The following PTPRK variants were observed in gnomAD, a reference collection of about 807,000 sequenced individuals.
PTPRK encodes protein tyrosine phosphatase receptor type K, also known as receptor-type tyrosine-protein phosphatase kappa.
PTPRK carries 75 observed loss-of-function variants against 178.0 expected under a neutral mutation model. The observed-to-expected ratio is 0.42, with a 90% CI of 0.35 to 0.51. The LOEUF (loss-of-function observed/expected upper bound fraction) is 0.51, where lower values mean the gene tolerates loss of function less well. PTPRK is among the 20% of genes least tolerant of loss of function. The pLI is 0.02. For missense variants in PTPRK, 1,441 were observed against 1,797.8 expected, an observed-to-expected ratio of 0.80 and a Z score of 3.59; for synonymous variants, 637 against 620.6, an observed-to-expected ratio of 1.03 and a Z score of -0.39.
At chr6:128,185,444 A>G (rs1176176088) in intron 6 of PTPRK, among the ~76,000 whole-genome samples, 1 of 152,172 alleles carries the variant, frequency 6.6e-6, no homozygotes, top group Non-Finnish European at 1.5e-5. Context: ...AAGTTGAATG[A>G]TATATTAAGG....
At chr6:128,038,916 T>C (rs1776691031) in intron 13 of PTPRK, among the ~76,000 whole-genome samples, 1 of 152,176 alleles carries the variant, frequency 6.6e-6, no homozygotes, top group Non-Finnish European at 1.5e-5. Context: ...TCACAAAATG[T>C]TAACCATATC....
At chr6:127,993,716 A>T (rs1776851849) in intron 18 of PTPRK, among the ~76,000 whole-genome samples, 1 of 151,690 alleles carries the variant, frequency 6.6e-6, no homozygotes, top group Non-Finnish European at 1.5e-5. Context: ...AATTTTTCCA[A>T]GCTTTATAAG....
chr6:128,195,969 G>C (rs1256838069), intron 6 of PTPRK, among the ~76,000 whole-genome samples: 6 of 152,060 alleles, frequency 3.9e-5, no homozygotes, highest in Non-Finnish European at 8.8e-5. Flanking sequence ...TGGATTAAGA[G>C]ATACAGAACT....
intron 11 of PTPRK, among the ~76,000 whole-genome samples, chr6:128,078,007 T>C (rs183209830): frequency 1.3e-5 from 2 of 152,158 alleles, no homozygotes; most frequent in East Asian, 3.9e-4. Flanking sequence ...CATCAAAGCT[T>C]CTTATTTTTC....
chr6:128,466,497 G>C (rs1292176025), intron 1 of PTPRK, among the ~76,000 whole-genome samples: 1 of 152,168 alleles, frequency 6.6e-6, no homozygotes, highest in South Asian at 2.1e-4. Flanking sequence ...CAGGTACAGG[G>C]TAACAACTGT....
chr6:128,500,207 TA>T (rs1404459177), intron 1 of PTPRK, among the ~76,000 whole-genome samples: 4 of 152,194 alleles, frequency 2.6e-5, no homozygotes, highest in African/African-American at 9.7e-5. Flanking sequence ...AAGGAGTGGC[TA>T]AATATAGTGA....
intron 13 of PTPRK, among the ~76,000 whole-genome samples, chr6:128,019,320 A>G (rs769304110): frequency 5.3e-5 from 8 of 152,156 alleles, no homozygotes; most frequent in Admixed American, 1.3e-4. Context: ...GTAATGTTTA[A>G]CACTGCCTTT....
At chr6:128,043,872 G>A (rs1777609295) in intron 13 of PTPRK, among the ~76,000 whole-genome samples, 1 of 151,694 alleles carries the variant, frequency 6.6e-6, no homozygotes, top group Non-Finnish European at 1.5e-5. Flanking sequence ...ATATTTTTTA[G>A]TATTCTGTAT....
At position 128,413,858 on chromosome 6, in the gene PTPRK, C is replaced by T. The variant is rs573120867; in HGVS notation, c.101-16170G>A. On this transcript the variant is annotated intron_variant, in intron 1 of 29. Coordinates refer to ENST00000368226, the MANE Select transcript of PTPRK (RefSeq NM_002844.4). ...TCAAAACATGGTTTTATTTCTGTTGCCTTTTTCTTACTCAAACCAATGTCT... is the reference window on the plus strand; with the variant it reads ...TCAAAACATGGTTTTATTTCTGTTGTCTTTTTCTTACTCAAACCAATGTCT... Among the ~76,000 whole-genome samples, 4 of 152,142 alleles carry T rather than the reference C, an allele frequency of 2.6e-5. No individual in the cohort carries two copies. The East Asian group carries it at 7.7e-4, about 29-fold the overall frequency.
chr6:128,357,032 G>A (rs1335142021), intron 2 of PTPRK, among the ~76,000 whole-genome samples: 2 of 152,106 alleles, frequency 1.3e-5, no homozygotes, highest in African/African-American at 4.8e-5. Context: ...TGAATACTGG[G>A]GAAGCCTAAG....
intron 2 of PTPRK, among the ~76,000 whole-genome samples, chr6:128,354,785 C>T (rs972645235): frequency 3.3e-5 from 5 of 152,132 alleles, no homozygotes; most frequent in Admixed American, 2.0e-4. Context: ...AACTAACTTG[C>T]TTAAGATTAC....
At chr6:127,997,537 G>A (rs1232804620) in intron 16 of PTPRK, among the ~76,000 whole-genome samples, 1 of 152,036 alleles carries the variant, frequency 6.6e-6, no homozygotes, top group Non-Finnish European at 1.5e-5. Flanking sequence ...AAGAATCTGG[G>A]AACAGAAGAA....
At chr6:128,082,860 A>G (rs149493460) in intron 9 of PTPRK, among the ~76,000 whole-genome samples, 54 of 152,160 alleles carry the variant, frequency 3.5e-4, no homozygotes, top group African/African-American at 1.2e-3. Flanking sequence ...GTTATAGCTG[A>G]CCAAATCAAT....
At chr6:128,420,032 T>C (rs961909097) in intron 1 of PTPRK, among the ~76,000 whole-genome samples, 1 of 152,322 alleles carries the variant, frequency 6.6e-6, no homozygotes, top group African/African-American at 2.4e-5. Flanking sequence ...CGAATAATCA[T>C]GCGTAACACT....
chr6:128,497,926 T>A (rs1362163890), intron 1 of PTPRK, among the ~76,000 whole-genome samples: 1 of 152,154 alleles, frequency 6.6e-6, no homozygotes, highest in Non-Finnish European at 1.5e-5. Context: ...TTACGAAGTA[T>A]TTTTAACAAT....
chr6:128,422,951 A>G (rs951134911), intron 1 of PTPRK, among the ~76,000 whole-genome samples: 1 of 152,206 alleles, frequency 6.6e-6, no homozygotes, highest in African/African-American at 2.4e-5. Flanking sequence ...AGCACCTAAA[A>G]TCACATGAAT....
At chr6:128,243,567 T>C (rs1814904838) in intron 3 of PTPRK, among the ~76,000 whole-genome samples, 1 of 148,668 alleles carries the variant, frequency 6.7e-6, no homozygotes, top group South Asian at 2.2e-4. Flanking sequence ...ATGCCTATAG[T>C]ATCAGCTACT....
intron 1 of PTPRK, among the ~76,000 whole-genome samples, chr6:128,421,030 A>G (rs928029791): frequency 6.6e-6 from 1 of 152,190 alleles, no homozygotes; most frequent in Non-Finnish European, 1.5e-5. Flanking sequence ...CATCTTTCCT[A>G]CATTAGCTTC....
intron 7 of PTPRK, among the ~76,000 whole-genome samples, chr6:128,098,011 C>T (rs1330582533): frequency 6.6e-6 from 1 of 152,030 alleles, no homozygotes. Flanking sequence ...ATTTTCAATG[C>T]CTCCTTTATC....
Sources: gnomAD v4.1 joint callset for allele counts (sites outside exome capture counted in the v4.1 genomes callset) on GRCh38, gnomAD v4.1.1 for gene constraint, MANE v1.5 for transcripts, NCBI Gene and HGNC (gene_info 2026-07-23, HGNC 2026-07-21) for gene names.